The following ZNG1F variants were observed in gnomAD, a reference collection of about 807,000 sequenced individuals.
ZNG1F encodes the protein zinc-regulated GTPase metalloprotein activator 1F.
At chr9:41,178,788 A>C in the ZNG1F span, among the ~76,000 whole-genome samples, 1 of 57,034 alleles carries the variant, frequency 1.8e-5, no homozygotes, top group African/African-American at 6.5e-5. Context: ...GGCTGGTCTT[A>C]AACTCCTGAA....
the ZNG1F span, among the ~76,000 whole-genome samples, chr9:41,146,146 C>T: frequency 5.3e-3 from 783 of 146,356 alleles, 38 homozygotes; most frequent in Middle Eastern, 0.01. Context: ...AAATTAAATC[C>T]TTCCCAGCTG....
chr9:41,154,079 C>T, the ZNG1F span, among the ~76,000 whole-genome samples: 194 of 41,168 alleles, frequency 4.7e-3, 2 homozygotes, highest in East Asian at 0.022. Flanking sequence ...TGTTTGCAGA[C>T]GACATGATTG....
chr9:41,154,501 C>G, the ZNG1F span, among the ~76,000 whole-genome samples: 1 of 137,738 alleles, frequency 7.3e-6, no homozygotes, highest in East Asian at 2.2e-4. Context: ...TTGGAAAAAA[C>G]TACTTTAAAG....
chr9:41,185,263 T>TAG, the ZNG1F span, among the ~76,000 whole-genome samples: 1 of 135,840 alleles, frequency 7.4e-6, no homozygotes, highest in Non-Finnish European at 1.6e-5. Flanking sequence ...TATTGAGTTT[T>TAG]AACTGCATTG....
chr9:41,164,857 C>G, the ZNG1F span: 381 of 542,774 alleles, frequency 7.0e-4, 23 homozygotes, highest in East Asian at 0.011. Context: ...TAACAATTAG[C>G]CATCAACAAT....
chr9:41,166,536 G>T, the ZNG1F span, among the ~76,000 whole-genome samples: 23 of 131,984 alleles, frequency 1.7e-4, no homozygotes, highest in African/African-American at 5.8e-4. Context: ...AATATTTCCC[G>T]AGTTCCTCAA....
the ZNG1F span, among the ~76,000 whole-genome samples, chr9:41,183,213 T>C: frequency 1.9e-5 from 2 of 106,672 alleles, 1 homozygote; most frequent in East Asian, 6.1e-4. Flanking sequence ...TCTTTTTTGA[T>C]AGTCATTTTT....
the ZNG1F span, among the ~76,000 whole-genome samples, chr9:41,203,105 T>C: frequency 6.6e-6 from 1 of 152,260 alleles, no homozygotes; most frequent in Non-Finnish European, 1.5e-5. Context: ...AAGTTGATGT[T>C]GCATCCTTCT....
At chr9:41,192,780 T>G in the ZNG1F span, among the ~76,000 whole-genome samples, 1 of 119,142 alleles carries the variant, frequency 8.4e-6, no homozygotes, top group Non-Finnish European at 1.8e-5. Context: ...CTTTTTTTTT[T>G]TTTTTAACTT....
At chr9:41,183,182 T>C in the ZNG1F span, among the ~76,000 whole-genome samples, 1 of 136,208 alleles carries the variant, frequency 7.3e-6, no homozygotes, top group African/African-American at 2.8e-5. Flanking sequence ...ACTTAACTAC[T>C]AGAACATAAT....
the ZNG1F span, among the ~76,000 whole-genome samples, chr9:41,140,988 A>G: frequency 1.3e-5 from 2 of 150,686 alleles, no homozygotes; most frequent in African/African-American, 4.9e-5. Context: ...TTGGCCTGTC[A>G]AAGCGCTAGG....
chr9:41,141,038 TA>T, the ZNG1F span, among the ~76,000 whole-genome samples: 1 of 151,350 alleles, frequency 6.6e-6, no homozygotes, highest in Non-Finnish European at 1.5e-5. Flanking sequence ...TAAAGATTTT[TA>T]TAATGATTTT....
chr9:41,156,629 G>GT, the ZNG1F span: 118 of 190,480 alleles, frequency 6.2e-4, 7 homozygotes, highest in South Asian at 8.8e-3. Flanking sequence ...AATGAATTAG[G>GT]TTTTTTTTAA....
the ZNG1F span, chr9:41,158,358 A>T: frequency 3.1e-4 from 40 of 128,408 alleles, no homozygotes; most frequent in African/African-American, 9.0e-4. Context: ...AATAAATAAA[A>T]ATAAAAATAA....
At chr9:41,155,023 C>G in the ZNG1F span, among the ~76,000 whole-genome samples, 13 of 150,176 alleles carry the variant, frequency 8.7e-5, no homozygotes, top group Non-Finnish European at 1.3e-4. Flanking sequence ...TTAAACTAAA[C>G]AGCTTCTGCA....
chr9:41,185,668 T>A, the ZNG1F span, among the ~76,000 whole-genome samples: 1 of 151,810 alleles, frequency 6.6e-6, no homozygotes, highest in Non-Finnish European at 1.5e-5. Context: ...AGAGACTCCA[T>A]CTCAAAAAAA....
At chr9:41,190,137 CCT>C in the ZNG1F span, among the ~76,000 whole-genome samples, 1 of 142,304 alleles carries the variant, frequency 7.0e-6, no homozygotes, top group Non-Finnish European at 1.5e-5. Context: ...CTGATCATTC[CCT>C]GTTTTCTTTT....
chr9:41,174,212 C>G, the ZNG1F span: 1 of 1,315,072 alleles, frequency 7.6e-7, no homozygotes, highest in Non-Finnish European at 9.7e-7. Flanking sequence ...GTCTGGGCAA[C>G]AAAGTGAGAC....
the ZNG1F span, among the ~76,000 whole-genome samples, chr9:41,150,061 C>T: frequency 2.7e-5 from 1 of 37,674 alleles, no homozygotes; most frequent in Non-Finnish European, 8.7e-5. Context: ...TCTGAGGTAC[C>T]GGGTTCATCT....
Sources: gnomAD v4.1 joint callset for allele counts (sites outside exome capture counted in the v4.1 genomes callset) on GRCh38, gnomAD v4.1.1 for gene constraint, MANE v1.5 for transcripts, NCBI Gene and HGNC (gene_info 2026-07-23, HGNC 2026-07-21) for gene names.